The following PKNOX2 variants were observed in gnomAD, a reference collection of about 807,000 sequenced individuals.
PKNOX2 encodes homeobox protein PKNOX2.
A neutral mutation model predicts 53.1 loss-of-function variants in PKNOX2; 14 were observed. The ratio of observed to expected loss-of-function variants is 0.26; its 90% CI spans 0.17 to 0.41. The LOEUF (loss-of-function observed/expected upper bound fraction) is 0.41, where lower values mean the gene tolerates loss of function less well. Among genes scored for constraint, PKNOX2 ranks in the 10% least tolerant of loss-of-function variants. The pLI is 1.00. For missense variants in PKNOX2, 496 were observed against 602.8 expected, an observed-to-expected ratio of 0.82 and a Z score of 1.85; for synonymous variants, 257 against 242.8, an observed-to-expected ratio of 1.06 and a Z score of -0.54.
chr11:125,417,227 G>A (rs1955934809), intron 10 of PKNOX2, among the ~76,000 whole-genome samples: 1 of 151,916 alleles, frequency 6.6e-6, no homozygotes, highest in South Asian at 2.1e-4. Flanking sequence ...TCCAGATCTT[G>A]GAGTCTTCCT....
At chr11:125,329,731 A>G (rs1950027706) in intron 2 of PKNOX2, among the ~76,000 whole-genome samples, 1 of 152,220 alleles carries the variant, frequency 6.6e-6, no homozygotes, top group South Asian at 2.1e-4. Flanking sequence ...AGACAGAAAT[A>G]TAGAATCGGG....
Position 125,431,214 on chromosome 11 carries a change from C to T in PKNOX2, c.1241C>T (p.Thr414Ile). 6.2e-7 allele frequency: 1 copy of T among 1,613,806 alleles called. No homozygotes were observed. The highest frequency in any genetic ancestry group is 8.5e-7 in the Non-Finnish European group (1 of 1,179,884). Residue 414 changes from threonine to isoleucine, a missense_variant, in exon 13 of 13, where the codon ACC (threonine) becomes ATC (isoleucine). Coordinates refer to ENST00000298282, the MANE Select transcript of PKNOX2 (RefSeq NM_001382323.2). ...NLQSLSSDSA[T>I]MAMQQAMMAA... The stretch of plus-strand genomic sequence containing the variant: ...CAGTCCCTGTCCTCAGACAGTGCCA[C>T]CATGGCCATGCAGCAGGCTATGATG...
intron 1 of PKNOX2, among the ~76,000 whole-genome samples, chr11:125,176,945 C>T (rs1169400527): frequency 1.3e-5 from 2 of 152,216 alleles, no homozygotes; most frequent in East Asian, 3.9e-4. Flanking sequence ...AAAATGCAGG[C>T]ATCCCTTCCG....
intron 2 of PKNOX2, among the ~76,000 whole-genome samples, chr11:125,313,000 G>A (rs1279750829): frequency 6.6e-6 from 1 of 152,230 alleles, no homozygotes; most frequent in African/African-American, 2.4e-5. Flanking sequence ...AGGCTGCAGA[G>A]GAGGCCAAGC....
intron 2 of PKNOX2, among the ~76,000 whole-genome samples, chr11:125,298,211 G>A (rs1331990970): frequency 6.6e-6 from 1 of 152,150 alleles, no homozygotes; most frequent in East Asian, 1.9e-4. Flanking sequence ...GGCTGTGGAG[G>A]TTCAGACAGG....
intron 2 of PKNOX2, among the ~76,000 whole-genome samples, chr11:125,327,898 A>G (rs75531885): frequency 0.055 from 8,418 of 152,228 alleles, 681 homozygotes; most frequent in African/African-American, 0.18. Context: ...GTCACCTCTG[A>G]TCGTCCTTCC....
chr11:125,231,741 G>T (rs969497943), intron 1 of PKNOX2, among the ~76,000 whole-genome samples: 6 of 149,664 alleles, frequency 4.0e-5, no homozygotes, highest in Non-Finnish European at 7.4e-5. Flanking sequence ...TGTGTGTGTG[G>T]AGAGAGAGAG....
chr11:125,167,279 C>T (rs1187719361), intron 1 of PKNOX2, among the ~76,000 whole-genome samples: 1 of 152,118 alleles, frequency 6.6e-6, no homozygotes, highest in African/African-American at 2.4e-5. Flanking sequence ...CATCCCAGCC[C>T]CCTGCACCCC....
At chr11:125,189,258 C>G (rs1956637635) in intron 1 of PKNOX2, among the ~76,000 whole-genome samples, 1 of 150,454 alleles carries the variant, frequency 6.6e-6, no homozygotes, top group Non-Finnish European at 1.5e-5. Flanking sequence ...TTTCAGCCCA[C>G]ATTGGAGTTA....
intron 2 of PKNOX2, among the ~76,000 whole-genome samples, chr11:125,327,058 G>A (rs913118503): frequency 6.6e-6 from 1 of 152,142 alleles, no homozygotes; most frequent in African/African-American, 2.4e-5. Flanking sequence ...TGGGCCAACT[G>A]GGACAAAAAA....
At chr11:125,230,025 C>T (rs370179749) in intron 1 of PKNOX2, among the ~76,000 whole-genome samples, 6 of 152,342 alleles carry the variant, frequency 3.9e-5, no homozygotes, top group Admixed American at 3.9e-4. Flanking sequence ...CATATTCATA[C>T]CTATACTGAC....
intron 3 of PKNOX2, among the ~76,000 whole-genome samples, chr11:125,338,829 G>A (rs1303786699): frequency 7.2e-5 from 11 of 152,220 alleles, no homozygotes; most frequent in Non-Finnish European, 1.5e-4. Context: ...GGAGAAAGAA[G>A]AGGGCAAAGT....
chr11:125,330,089 C>T (rs1301752507), intron 2 of PKNOX2, among the ~76,000 whole-genome samples: 3 of 151,374 alleles, frequency 2.0e-5, no homozygotes, highest in South Asian at 2.1e-4. Flanking sequence ...GCTGTGGGGC[C>T]GATGGTGGGA....
rs141364494 is a variant in PKNOX2, at chr11:125,389,072, G to A, written c.399+3350G>A. The stretch of plus-strand genomic sequence containing the variant: ...TAGCCAGGTGTGGTGGTACATGTCT[G>A]TAATCACAACTCCTCAGGAGGCTGA... On this transcript the variant is annotated intron_variant, in intron 6 of 12. Coordinates refer to ENST00000298282, the MANE Select transcript of PKNOX2 (RefSeq NM_001382323.2). Among the ~76,000 whole-genome samples the A allele has an allele frequency of 7.0e-3, 1,060 of 152,258 alleles. 11 individuals carry two copies. The highest frequency in any genetic ancestry group is 0.025 in the African/African-American group (1,019 of 41,528).
At chr11:125,430,500 G>C (rs1956647444) in intron 12 of PKNOX2, among the ~76,000 whole-genome samples, 2 of 152,150 alleles carry the variant, frequency 1.3e-5, no homozygotes, top group African/African-American at 4.8e-5. Flanking sequence ...GCTGGCTCGT[G>C]AACAGGGGCC....
intron 2 of PKNOX2, among the ~76,000 whole-genome samples, chr11:125,299,949 G>A (rs1371067941): frequency 6.6e-6 from 1 of 152,226 alleles, no homozygotes; most frequent in Non-Finnish European, 1.5e-5. Flanking sequence ...CGACAGGGCT[G>A]TGCTTGATAG....
At chr11:125,221,586 G>T (rs58822854) in intron 1 of PKNOX2, among the ~76,000 whole-genome samples, 13,336 of 152,172 alleles carry the variant, frequency 0.088, 1,285 homozygotes, top group East Asian at 0.32. Context: ...TTTAGTTGTA[G>T]CTGGAAAGGA....
chr11:125,368,046 G>A (rs1952289732), intron 5 of PKNOX2, 61 bp downstream of exon 5: 1 of 1,559,640 alleles, frequency 6.4e-7, no homozygotes. Flanking sequence ...GCTCAGCTGT[G>A]AGGGATGAGA....
At chr11:125,243,695 T>C (rs1428197798) in intron 2 of PKNOX2, among the ~76,000 whole-genome samples, 5 of 151,452 alleles carry the variant, frequency 3.3e-5, no homozygotes, top group Non-Finnish European at 7.4e-5. Flanking sequence ...TGATCTCAGC[T>C]CACTGCAAGC....
Sources: allele counts gnomAD v4.1 joint callset (sites outside exome capture counted in the v4.1 genomes callset), GRCh38; gene constraint gnomAD v4.1.1; transcripts MANE v1.5; gene names NCBI Gene and HGNC (gene_info 2026-07-23, HGNC 2026-07-21).